Variants in HEPACAM observed in about 807,000 individuals in gnomAD.
HEPACAM encodes the protein hepatocyte cell adhesion molecule.
Under a neutral mutation model 38.3 loss-of-function variants are expected in HEPACAM, and 18 were observed. The observed-to-expected ratio is 0.47, with a 90% CI of 0.33 to 0.70. The LOEUF (loss-of-function observed/expected upper bound fraction) is 0.70, where lower values mean the gene tolerates loss of function less well. Ranked by LOEUF, HEPACAM falls within the 30% of genes least tolerant of loss-of-function variation. The pLI is 0.03. For missense variants in HEPACAM, 466 were observed against 563.0 expected (o/e 0.83, Z 1.74); for synonymous variants, 216 against 243.1 (o/e 0.89, Z 1.04).
chr11:124,921,054 C>T lies in HEPACAM; in HGVS notation c.*84G>A, dbSNP rs1337325850. On this transcript the variant is annotated 3_prime_UTR_variant, in exon 7 of 7. Transcript: ENST00000298251. The surrounding 1 kb of genome is among the most constrained non-coding windows in gnomAD (Gnocchi z 4.6). ...GGGACCTCCCCTCGTCCCCAGCGCG[C>T]CGCGCCCGGGCTTCCCAGCCCCAGC... 8.9e-6 allele frequency: 13 copies of T among 1,461,774 alleles called. No individual in the cohort carries two copies. In the South Asian group the frequency reaches 1.2e-4, roughly 13 times the overall value. The allele number at this position is 1,461,774 out of a possible 1,614,324, so 90.6% of individuals were successfully genotyped here.
intron 1 of HEPACAM, among the ~76,000 whole-genome samples, chr11:124,928,430 C>T (rs1947244616): frequency 6.6e-6 from 1 of 152,184 alleles, no homozygotes; most frequent in African/African-American, 2.4e-5. Context: ...AGCTGGGGAA[C>T]ATCTACCCCC....
At position 124,925,068 on chromosome 11, in the gene HEPACAM, G is replaced by A. The variant is rs148838622; in HGVS notation, c.87C>T (p.Asp29=). 23 of 1,583,918 alleles carry A rather than the reference G, an allele frequency of 1.5e-5. No homozygotes were observed. The highest frequency in any genetic ancestry group is 2.0e-5 in the Non-Finnish European group (23 of 1,163,044). The change falls in exon 2 of 7, where the codon GAC becomes GAT. Residue 29 remains aspartate (D), a splice_region_variant and synonymous_variant. Transcript: ENST00000298251. ...TGGTGATGTTCACCCCCTCCAGGGG[G>A]TCTGTGAACAGAGGCCCATGAGGAA... is the stretch of plus-strand genomic sequence containing the variant. ...PFVYLLLIQT[D]PLEGVNITSP... is the part of the protein sequence containing the mutation.
At chr11:124,923,048 A>G (rs1027182161) in intron 4 of HEPACAM, among the ~76,000 whole-genome samples, 2 of 152,158 alleles carry the variant, frequency 1.3e-5, no homozygotes, top group African/African-American at 4.8e-5. Context: ...TCTCAGTGTC[A>G]TTATCTGTAA....
intron 1 of HEPACAM, among the ~76,000 whole-genome samples, chr11:124,927,910 AAATT>A (rs1441126655): frequency 1.3e-5 from 2 of 152,156 alleles, no homozygotes; most frequent in Non-Finnish European, 2.9e-5. Context: ...ATAAATAAGT[AAATT>A]AATTAATTAA....
In HEPACAM at chr11:124,923,339, C is replaced by T. The variant is rs375712202; in HGVS notation, c.803+1G>A. ...CAGGTGCTCAGGAGAGTTACCCAGA[C>T]CTTTTGGAGGGTTTCCAGCAGGCAC... is the stretch of plus-strand genomic sequence containing the variant. On this transcript the variant is annotated splice_donor_variant, in intron 4 of 6. Transcript: ENST00000298251. LOFTEE classifies it high-confidence loss of function. 27 of 1,605,190 alleles carry T rather than the reference C, an allele frequency of 1.7e-5. No homozygotes were observed. In the East Asian group the frequency reaches 5.6e-4, roughly 33 times the overall value.
chr11:124,929,875 T>C (rs190101168), intron 1 of HEPACAM, among the ~76,000 whole-genome samples: 1 of 152,366 alleles, frequency 6.6e-6, no homozygotes, highest in East Asian at 1.9e-4. Context: ...CTCCCTTTGC[T>C]GGGCCAAAGT....
At position 124,919,969 on chromosome 11, in the gene HEPACAM, T is replaced by C. The variant is rs1947103648; in HGVS notation, c.*1169A>G. 2 of 1,613,722 alleles carry C rather than the reference T, an allele frequency of 1.2e-6. No homozygotes were observed. Among genetic ancestry groups the C allele is most frequent in the Non-Finnish European group, 1.7e-6 (2 of 1,180,008 alleles). Reference sequence around the variant, plus strand: ...TGTTCAATAGGCGGTGGCATGGGCATGTCCTGGCTACACAGCGGCCCAGCC... The same window carrying C: ...TGTTCAATAGGCGGTGGCATGGGCACGTCCTGGCTACACAGCGGCCCAGCC... On this transcript the variant is annotated 3_prime_UTR_variant, in exon 7 of 7. Transcript: ENST00000298251.
Position 124,936,029 on chromosome 11 carries a change from T to C in HEPACAM, c.-23A>G, listed in dbSNP as rs771360395. On this transcript the variant is annotated 5_prime_UTR_variant, in exon 1 of 7. Transcript: ENST00000298251. Reference sequence around the variant, plus strand: ...CATTTTGGGTGGCGTTCTCCAGCTCTAGTGCAGACAATTAGCATGATTTCT... The same window carrying C: ...CATTTTGGGTGGCGTTCTCCAGCTCCAGTGCAGACAATTAGCATGATTTCT... 8 of 1,602,694 alleles carry C rather than the reference T, an allele frequency of 5.0e-6. No homozygotes were observed. Among genetic ancestry groups the C allele is most frequent in the Non-Finnish European group, 6.0e-6 (7 of 1,169,974 alleles).
rs1213719339 is a variant in HEPACAM, at chr11:124,921,784, C to T, written c.949-344G>A. ...GTGTCCAAAGACCTAGGTTTGAAACCTAGATCTGCCACTCATTGACTTGTT... is the reference window on the plus strand; with the variant it reads ...GTGTCCAAAGACCTAGGTTTGAAACTTAGATCTGCCACTCATTGACTTGTT... On this transcript the variant is annotated intron_variant, in intron 6 of 6. Transcript: ENST00000298251. This position sits in a 1 kb window ranked among gnomAD's most constrained non-coding sequence, Gnocchi z 4.6. 6.6e-6 allele frequency among the ~76,000 whole-genome samples: 1 copy of T among 152,172 alleles called. No homozygotes were observed. Among genetic ancestry groups the T allele is most frequent in the Non-Finnish European group, 1.5e-5 (1 of 68,024 alleles).
At chr11:124,928,311 A>C (rs1361416467) in intron 1 of HEPACAM, among the ~76,000 whole-genome samples, 1 of 152,228 alleles carries the variant, frequency 6.6e-6, no homozygotes, top group African/African-American at 2.4e-5. Context: ...TTAGAAAACC[A>C]AACTTTCGAA....
intron 1 of HEPACAM, among the ~76,000 whole-genome samples, chr11:124,929,318 T>C (rs1213597545): frequency 3.3e-5 from 5 of 152,222 alleles, no homozygotes; most frequent in African/African-American, 1.2e-4. Flanking sequence ...GGCATGTCCG[T>C]GGGCCAAAAG....
rs1947342130 is a variant in HEPACAM at position 124,936,011 on chromosome 11, G to A, written c.-5C>T. The stretch of plus-strand genomic sequence containing the variant: ...GGCTCCCCTTTCTCTCTTCATTTTG[G>A]GTGGCGTTCTCCAGCTCTAGTGCAG... On this transcript the variant is annotated 5_prime_UTR_variant, in exon 1 of 7. Transcript: ENST00000298251. 1 of 1,613,622 alleles carries A rather than the reference G, an allele frequency of 6.2e-7. No homozygotes were observed. Among genetic ancestry groups the A allele is most frequent in the Non-Finnish European group, 8.5e-7 (1 of 1,179,714 alleles).
rs1947124341 is a variant in HEPACAM at position 124,920,969 on chromosome 11, C to T, written c.*169G>A. On this transcript the variant is annotated 3_prime_UTR_variant, in exon 7 of 7. Coordinates refer to ENST00000298251, the MANE Select transcript of HEPACAM (RefSeq NM_152722.5). ...CCATATCAACACTGCCGCCTCCGCG[C>T]ACCCGCCTCCGTCTGCGCATGCTCA... is the stretch of plus-strand genomic sequence containing the variant. 2 of 1,365,442 alleles carry T rather than the reference C, an allele frequency of 1.5e-6. No homozygotes were observed. The highest frequency in any genetic ancestry group is 9.4e-7 in the Non-Finnish European group (1 of 1,062,876). The allele number at this position is 1,365,442 out of a possible 1,614,324, so 84.6% of individuals were successfully genotyped here.
chr11:124,934,735 G>A (rs1348840021), intron 1 of HEPACAM, among the ~76,000 whole-genome samples: 3 of 151,922 alleles, frequency 2.0e-5, no homozygotes, highest in Non-Finnish European at 4.4e-5. Flanking sequence ...TTTGTTATAG[G>A]AGCCCTAGAA....
Position 124,920,792 on chromosome 11 carries a change from G to C in HEPACAM, c.*346C>G. ...AGCTCCCTAGGAAGAGCACAGGATA[G>C]TCACGGGGGTTAGGTTACTGATGTT... On this transcript the variant is annotated 3_prime_UTR_variant, in exon 7 of 7. Coordinates refer to ENST00000298251, the MANE Select transcript of HEPACAM (RefSeq NM_152722.5). 2 of 1,090,780 alleles carry C rather than the reference G, an allele frequency of 1.8e-6. No individual in the cohort carries two copies. Among genetic ancestry groups the C allele is most frequent in the Non-Finnish European group, 2.2e-6 (2 of 898,076 alleles). 67.6% of individuals were successfully genotyped at this position (1,090,780 alleles called of 1,614,324 possible). A position where few individuals can be genotyped will look rare whatever the true frequency, so the allele number is the denominator to read the frequency against.
chr11:124,935,837 A>G (rs1947338593), intron 1 of HEPACAM, 85 bp downstream of exon 1: 4 of 1,166,966 alleles, frequency 3.4e-6, no homozygotes, highest in Non-Finnish European at 5.1e-6. Flanking sequence ...CCCCAAAGGC[A>G]TTCAGGCCCT....
chr11:124,921,425 C>T lies in HEPACAM; in HGVS notation c.964G>A (p.Glu322Lys), dbSNP rs1204024516. Residue 322 changes from glutamate to lysine, a missense_variant, in exon 7 of 7, where the codon GAG becomes AAG. Physicochemically the swap from Glu to Lys is moderately conservative, Grantham distance 56 (BLOSUM62 1). Coordinates refer to ENST00000298251, the MANE Select transcript of HEPACAM (RefSeq NM_152722.5). The surrounding 1 kb of genome is among the most constrained non-coding windows in gnomAD (Gnocchi z 4.6). ...ILKDKDSPETEENPAPEPRSA... is the reference protein window; with the variant it reads ...ILKDKDSPETKENPAPEPRSA... ...CGAGGCTCCGGGGCCGGGTTCTCCT[C>T]GGTCTCCGGGGAGTCCTGCAAGGAC... is the stretch of plus-strand genomic sequence containing the variant. 3.5e-5 allele frequency: 44 copies of T among 1,272,596 alleles called. No homozygotes were observed. The highest frequency in any genetic ancestry group is 4.3e-5 in the Non-Finnish European group (44 of 1,011,882). 78.8% of individuals were successfully genotyped at this position (1,272,596 alleles called of 1,614,324 possible). A position where few individuals can be genotyped will look rare whatever the true frequency, so the allele number is the denominator to read the frequency against.
At chr11:124,925,161 T>G (rs1947191638) in intron 1 of HEPACAM, 92 bp from the exon 2 acceptor site, 1 of 998,958 alleles carries the variant, frequency 1.0e-6, no homozygotes. Context: ...CTCCCAAAGC[T>G]TCGCCTCTCT....
chr11:124,925,110 C>T, intron 1 of HEPACAM, 41 bp from the exon 2 acceptor site: 1 of 1,502,274 alleles, frequency 6.7e-7, no homozygotes, highest in Non-Finnish European at 9.0e-7. Context: ...AGCATCAGGC[C>T]CTGGGCTCCT....
Sources: gnomAD v4.1 joint callset for allele counts (sites outside exome capture counted in the v4.1 genomes callset) on GRCh38, gnomAD v4.1.1 for gene constraint, Gnocchi (gnomAD v3.1) non-coding constraint, MANE v1.5 for transcripts, NCBI Gene and HGNC (gene_info 2026-07-23, HGNC 2026-07-21) for gene names.